MTUS1: variants seen among roughly 807,000 people sequenced by gnomAD.
The protein encoded by MTUS1 is microtubule-associated tumor suppressor 1.
A neutral mutation model predicts 120.8 loss-of-function variants in MTUS1; 109 were observed. The observed-to-expected ratio is 0.90, with a 90% CI of 0.77 to 1.06. MTUS1 has a LOEUF of 1.06. Ranked by LOEUF, MTUS1 falls within the 50% of genes least tolerant of loss-of-function variation. The pLI, the probability that MTUS1 is intolerant of heterozygous loss-of-function variation, is 0.00. For synonymous variants in MTUS1, 737 were observed against 550.5 expected (o/e 1.34, Z -4.74); for missense variants, 2,210 against 1,486.3 (o/e 1.49, Z -8.01).
chr8:17,676,035 C>G (rs1300119780), intron 7 of MTUS1: 10 of 558,306 alleles, frequency 1.8e-5, no homozygotes. Flanking sequence ...GATTCCCTAG[C>G]ACCAGGGAGT....
intron 3 of MTUS1, among the ~76,000 whole-genome samples, chr8:17,730,388 G>C (rs2046485688): frequency 6.6e-6 from 1 of 151,594 alleles, no homozygotes; most frequent in African/African-American, 2.4e-5. Context: ...GGGAGGGTGA[G>C]GTAGGAGAAT....
intron 8 of MTUS1, among the ~76,000 whole-genome samples, chr8:17,657,718 T>C (rs61180605): frequency 0.016 from 2,304 of 141,232 alleles, 57 homozygotes; most frequent in African/African-American, 0.058. Flanking sequence ...TCCCTGCTAC[T>C]GAGGAGGCTG....
At chr8:17,694,108 A>T (rs1273728100) in intron 6 of MTUS1, among the ~76,000 whole-genome samples, 1 of 152,302 alleles carries the variant, frequency 6.6e-6, no homozygotes, top group African/African-American at 2.4e-5. Flanking sequence ...GGTTTTTTAA[A>T]TAGAGACAGG....
At chr8:17,689,279 G>T (rs1429609609) in intron 6 of MTUS1, among the ~76,000 whole-genome samples, 2 of 152,076 alleles carry the variant, frequency 1.3e-5, no homozygotes, top group African/African-American at 4.8e-5. Context: ...GGAGGGAGGA[G>T]GATTTAGGAT....
At position 17,685,829 on chromosome 8, in the gene MTUS1, G is replaced by A. The variant is rs377309497; in HGVS notation, c.2624-1287C>T. ...CCACTGTGTCTCTGTAATACTTGAT[G>A]AGAGGAAGTATTTATCCATTACTCT... On this transcript the variant is annotated intron_variant, in intron 6 of 14. Transcript: ENST00000693296. Among the ~76,000 whole-genome samples, 30 of 152,298 alleles carry A rather than the reference G, an allele frequency of 2.0e-4. No homozygotes were observed. In the East Asian group the frequency reaches 2.9e-3, roughly 15 times the overall value.
chr8:17,780,434 C>G (rs929311898), intron 1 of MTUS1, among the ~76,000 whole-genome samples: 3 of 152,184 alleles, frequency 2.0e-5, no homozygotes, highest in African/African-American at 7.2e-5. Flanking sequence ...TCTCAAGCTT[C>G]AAGTCTAAAA....
chr8:17,644,926 A>G lies in MTUS1; in HGVS notation c.*1000T>C, dbSNP rs1474122998. 2 of 152,238 alleles carry G rather than the reference A, an allele frequency of 1.3e-5. No homozygotes were observed. The highest frequency in any genetic ancestry group is 4.8e-5 in the African/African-American group (2 of 41,448). 9.4% of individuals were successfully genotyped at this position (152,238 alleles called of 1,614,324 possible). A position where few individuals can be genotyped will look rare whatever the true frequency, so the allele number is the denominator to read the frequency against. ...AGAAGGTTTGCTTTTGTGGCTCTGGATGGTGGAGAAAGGTAAAAGGAAAAT... is the reference window on the plus strand; with the variant it reads ...AGAAGGTTTGCTTTTGTGGCTCTGGGTGGTGGAGAAAGGTAAAAGGAAAAT... On this transcript the variant is annotated 3_prime_UTR_variant, in exon 15 of 15. Transcript: ENST00000693296.
At chr8:17,775,292 C>G (rs1463629894) in intron 1 of MTUS1, among the ~76,000 whole-genome samples, 1 of 151,914 alleles carries the variant, frequency 6.6e-6, no homozygotes, top group Non-Finnish European at 1.5e-5. Context: ...AAAGCAACAC[C>G]ACAAATTAGA....
chr8:17,710,446 ACTC>A (rs1359241307), intron 6 of MTUS1, among the ~76,000 whole-genome samples: 1 of 151,408 alleles, frequency 6.6e-6, no homozygotes, highest in African/African-American at 2.4e-5. Flanking sequence ...ATAAGAAGCA[ACTC>A]CTCATCTGCT....
At chr8:17,663,630 C>G (rs956189883) in intron 8 of MTUS1, among the ~76,000 whole-genome samples, 1 of 150,258 alleles carries the variant, frequency 6.7e-6, no homozygotes, top group African/African-American at 2.5e-5. Flanking sequence ...GAGGCTTCCT[C>G]TATCACCCAG....
chr8:17,740,714 C>T lies in MTUS1; in HGVS notation c.2287+2890G>A, dbSNP rs570587721. 4.6e-5 allele frequency among the ~76,000 whole-genome samples: 7 copies of T among 152,280 alleles called. No individual in the cohort carries two copies. The South Asian group carries it at 1.5e-3, about 32-fold the overall frequency. Reference sequence around the variant, plus strand: ...ATAATACCAGATGGGGTGGCTTAAACAACAGAAATTTGTTTTCTCACAGTT... The same window carrying T: ...ATAATACCAGATGGGGTGGCTTAAATAACAGAAATTTGTTTTCTCACAGTT... On this transcript the variant is annotated intron_variant, in intron 3 of 14. Transcript: ENST00000693296.
chr8:17,765,114 G>T (rs897969776), intron 1 of MTUS1, among the ~76,000 whole-genome samples: 3 of 152,084 alleles, frequency 2.0e-5, no homozygotes, highest in African/African-American at 7.2e-5. Flanking sequence ...TAGATACCTC[G>T]CATGCACAGT....
At chr8:17,735,450 G>C (rs1229128379) in intron 3 of MTUS1, among the ~76,000 whole-genome samples, 9 of 152,146 alleles carry the variant, frequency 5.9e-5, no homozygotes, top group Middle Eastern at 3.2e-3. Flanking sequence ...TACATTATTA[G>C]AACTAATCAG....
intron 8 of MTUS1, among the ~76,000 whole-genome samples, chr8:17,661,271 G>T (rs1012255343): frequency 6.6e-6 from 1 of 152,200 alleles, no homozygotes; most frequent in African/African-American, 2.4e-5. Flanking sequence ...ATAGCTTCTA[G>T]TCAGAGAAAT....
intron 6 of MTUS1, among the ~76,000 whole-genome samples, chr8:17,692,638 A>G (rs1279392811): frequency 6.6e-6 from 1 of 152,210 alleles, no homozygotes; most frequent in Non-Finnish European, 1.5e-5. Flanking sequence ...TCACGAACAC[A>G]AAGAAGGGAA....
chr8:17,775,039 T>C (rs2050310548), intron 1 of MTUS1, among the ~76,000 whole-genome samples: 1 of 145,292 alleles, frequency 6.9e-6, no homozygotes, highest in Admixed American at 6.9e-5. Context: ...ATAAAGCACC[T>C]GGAGTAGTCA....
intron 6 of MTUS1, among the ~76,000 whole-genome samples, chr8:17,686,556 C>T (rs1320606867): frequency 1.3e-5 from 2 of 152,120 alleles, no homozygotes; most frequent in East Asian, 1.9e-4. Context: ...ATTGATAACT[C>T]CTTTATCATT....
chr8:17,737,185 C>T (rs1463373107), intron 3 of MTUS1, among the ~76,000 whole-genome samples: 1 of 152,182 alleles, frequency 6.6e-6, no homozygotes, highest in Non-Finnish European at 1.5e-5. Context: ...ACACCCGGCC[C>T]ATTTCCCGTC....
Position 17,689,786 on chromosome 8 carries a change from G to C in MTUS1, c.2624-5244C>G, listed in dbSNP as rs187508351. On this transcript the variant is annotated intron_variant, in intron 6 of 14. Transcript: ENST00000693296. ...AAGTCAGCAAAAATACATACAATGG[G>C]GAAAGGACACCCTATTCAATAAATG... Among the ~76,000 whole-genome samples, 39 of 152,140 alleles carry C rather than the reference G, an allele frequency of 2.6e-4. No individual in the cohort carries two copies. The East Asian group carries it at 7.1e-3, about 28-fold the overall frequency.
Sources: gnomAD v4.1 joint callset for allele counts (sites outside exome capture counted in the v4.1 genomes callset) on GRCh38, gnomAD v4.1.1 for gene constraint, MANE v1.5 for transcripts, NCBI Gene and HGNC (gene_info 2026-07-23, HGNC 2026-07-21) for gene names.